Variants in RIN3 observed in about 807,000 individuals in gnomAD.
RIN3 encodes Ras and Rab interactor 3.
RIN3 carries 54 observed loss-of-function variants against 76.3 expected under a neutral mutation model. The ratio of observed to expected loss-of-function variants is 0.71; its 90% confidence interval spans 0.57 to 0.89. RIN3 has a LOEUF of 0.89. RIN3 is among the 40% of genes least tolerant of loss of function. The probability of loss-of-function intolerance (pLI) is 0.00; values close to 1 mark genes in which losing one functional copy is unlikely to be tolerated. For synonymous variants in RIN3, 576 were observed against 564.0 expected, an observed-to-expected ratio of 1.02 and a Z score of -0.30; for missense variants, 1,256 against 1,322.1, an observed-to-expected ratio of 0.95 and a Z score of 0.78.
intron 1 of RIN3, among the ~76,000 whole-genome samples, chr14:92,519,353 A>G (rs1001585555): frequency 2.1e-4 from 32 of 152,344 alleles, no homozygotes; most frequent in African/African-American, 7.5e-4. Flanking sequence ...TTGGGAGCCC[A>G]CTTTGGGGCA....
chr14:92,604,367 T>A (rs1414958979), intron 3 of RIN3, among the ~76,000 whole-genome samples: 3 of 152,250 alleles, frequency 2.0e-5, no homozygotes, highest in Admixed American at 1.3e-4. Context: ...GGAAAGAGGA[T>A]CAGAATCCAT....
intron 4 of RIN3, among the ~76,000 whole-genome samples, chr14:92,620,306 A>G (rs1334272017): frequency 6.6e-6 from 1 of 152,248 alleles, no homozygotes; most frequent in Non-Finnish European, 1.5e-5. Context: ...ACACATTGCC[A>G]TGAATTAAGA....
intron 1 of RIN3, among the ~76,000 whole-genome samples, chr14:92,532,211 G>A (rs545401629): frequency 2.6e-5 from 4 of 152,262 alleles, no homozygotes. Context: ...TTACAGGCGT[G>A]ACTCCCTTCT....
Position 92,651,885 on chromosome 14 carries a change from G to T in RIN3, c.836G>T (p.Arg279Leu). Reference sequence around the variant, plus strand: ...CCCACCTCCAGGTGGGCCCCACGCCGCCCACCACCCCCTCCCCCAGTGCTG... The same window carrying T: ...CCCACCTCCAGGTGGGCCCCACGCCTCCCACCACCCCCTCCCCCAGTGCTG... ...TSPTSRWAPR[R>L]PPPPPPVLPL... The change falls in exon 6 of 10, where the codon CGC (arginine) becomes CTC (leucine). Residue 279 changes from arginine to leucine, a missense_variant. Around this residue, in one of 3 missense-constraint regions of RIN3, gnomAD observed 610 missense variants for 626.4 expected, o/e 0.97. Transcript: ENST00000216487. The T allele has an allele frequency of 7.1e-7, 1 of 1,411,026 alleles. No individual in the cohort carries two copies. 87.4% of individuals were successfully genotyped at this position (1,411,026 alleles called of 1,614,324 possible).
At chr14:92,575,838 T>G (rs1898209911) in intron 2 of RIN3, among the ~76,000 whole-genome samples, 1 of 152,126 alleles carries the variant, frequency 6.6e-6, no homozygotes, top group African/African-American at 2.4e-5. Context: ...ATCCTGTGAC[T>G]TAGAATGCCC....
chr14:92,544,480 C>T (rs1200348387), intron 1 of RIN3, among the ~76,000 whole-genome samples: 1 of 150,822 alleles, frequency 6.6e-6, no homozygotes, highest in Non-Finnish European at 1.5e-5. Flanking sequence ...TTTGGATGGC[C>T]AGTTGAATCT....
chr14:92,622,462 G>A (rs532416764), intron 4 of RIN3, among the ~76,000 whole-genome samples: 1 of 152,312 alleles, frequency 6.6e-6, no homozygotes, highest in East Asian at 1.9e-4. Context: ...AATTTTCAGT[G>A]CCACAAAGTG....
intron 1 of RIN3, among the ~76,000 whole-genome samples, chr14:92,522,319 GGTGTGTGT>G (rs58386124): frequency 6.7e-6 from 1 of 150,048 alleles, no homozygotes; most frequent in African/African-American, 2.4e-5. Flanking sequence ...GTATGTATGT[GGTGTGTGT>G]GTGTGTGTGT....
intron 5 of RIN3, among the ~76,000 whole-genome samples, chr14:92,642,915 T>C (rs946437152): frequency 3.3e-5 from 5 of 152,160 alleles, no homozygotes; most frequent in Non-Finnish European, 5.9e-5. Flanking sequence ...GCAAGTACTA[T>C]TATTATAATT....
rs534522217 is a variant in RIN3 at position 92,612,044 on chromosome 14, C to T, written c.368-3363C>T. 8.4e-4 allele frequency among the ~76,000 whole-genome samples: 128 copies of T among 152,240 alleles called. 1 individual carries two copies. In the Middle Eastern group the frequency reaches 0.014, roughly 16 times the overall value. On this transcript the variant is annotated intron_variant, in intron 3 of 9. Transcript: ENST00000216487. ...TGAGAACTCTATCAGAGAACAGCACCGAGGGGATGGTGCTAACCCATTCAT... is the reference window on the plus strand; with the variant it reads ...TGAGAACTCTATCAGAGAACAGCACTGAGGGGATGGTGCTAACCCATTCAT...
At chr14:92,540,452 C>T (rs926830343) in intron 1 of RIN3, among the ~76,000 whole-genome samples, 4 of 152,212 alleles carry the variant, frequency 2.6e-5, no homozygotes, top group Admixed American at 2.0e-4. Context: ...TGAGAAACTG[C>T]CAGGGCCTTG....
chr14:92,650,009 C>T (rs142828208), intron 5 of RIN3, among the ~76,000 whole-genome samples: 2 of 152,342 alleles, frequency 1.3e-5, no homozygotes, highest in East Asian at 3.9e-4. Flanking sequence ...AGCAAGATGG[C>T]AAATGCCTAC....
chr14:92,516,009 C>T (rs1323794554), intron 1 of RIN3, among the ~76,000 whole-genome samples: 1 of 152,156 alleles, frequency 6.6e-6, no homozygotes, highest in Non-Finnish European at 1.5e-5. Flanking sequence ...TGTGCGGAGT[C>T]TGCTGAGAGT....
At chr14:92,522,701 T>A (rs1896632066) in intron 1 of RIN3, among the ~76,000 whole-genome samples, 1 of 152,230 alleles carries the variant, frequency 6.6e-6, no homozygotes, top group South Asian at 2.1e-4. Flanking sequence ...TCTGTCACCA[T>A]CCTGGAGCCT....
At chr14:92,594,296 G>T (rs538004270) in intron 3 of RIN3, among the ~76,000 whole-genome samples, 1 of 152,092 alleles carries the variant, frequency 6.6e-6, no homozygotes, top group Non-Finnish European at 1.5e-5. Context: ...GCTGGGCATG[G>T]TGGCGCATGC....
At chr14:92,533,268 T>TG (rs1435567970) in intron 1 of RIN3, among the ~76,000 whole-genome samples, 1 of 152,338 alleles carries the variant, frequency 6.6e-6, no homozygotes, top group East Asian at 1.9e-4. Context: ...AATTAAAATG[T>TG]GTCAGTAGCA....
chr14:92,680,598 G>A (rs1364271336), intron 8 of RIN3, among the ~76,000 whole-genome samples: 1 of 152,160 alleles, frequency 6.6e-6, no homozygotes, highest in Non-Finnish European at 1.5e-5. Context: ...CCATCACATT[G>A]GAGGTTAGGA....
intron 4 of RIN3, among the ~76,000 whole-genome samples, chr14:92,629,963 T>G (rs927682116): frequency 2.6e-5 from 4 of 152,240 alleles, no homozygotes; most frequent in African/African-American, 9.6e-5. Flanking sequence ...TGGTATGTTA[T>G]GACACGTTAG....
intron 1 of RIN3, among the ~76,000 whole-genome samples, chr14:92,525,150 G>A (rs946542144): frequency 2.0e-5 from 3 of 152,122 alleles, no homozygotes; most frequent in Admixed American, 6.5e-5. Flanking sequence ...GGTGGGGTGG[G>A]GGTTGGCCTG....
Sources: gnomAD v4.1 joint callset for allele counts (sites outside exome capture counted in the v4.1 genomes callset) on GRCh38, gnomAD v4.1.1 for gene constraint, gnomAD v4.1.1 regional missense constraint, MANE v1.5 for transcripts, NCBI Gene and HGNC (gene_info 2026-07-23, HGNC 2026-07-21) for gene names.